LRRC4C: variants seen among roughly 807,000 people sequenced by gnomAD.
The protein encoded by LRRC4C is leucine-rich repeat-containing protein 4C.
LRRC4C carries 5 observed loss-of-function variants against 33.6 expected under a neutral mutation model. The ratio of observed to expected loss-of-function variants is 0.15; its 90% CI spans 0.08 to 0.31. The LOEUF (loss-of-function observed/expected upper bound fraction) is 0.31, where lower values mean the gene tolerates loss of function less well. Ranked by LOEUF, LRRC4C falls within the 10% of genes least tolerant of loss-of-function variation. The pLI, the probability that LRRC4C is intolerant of heterozygous loss-of-function variation, is 1.00. For missense variants in LRRC4C, 560 were observed against 796.7 expected (o/e 0.70, Z 3.58); for synonymous variants, 329 against 302.0 (o/e 1.09, Z -0.93).
chr11:41,308,976 G>T (rs947770503), intron 1 of LRRC4C, among the ~76,000 whole-genome samples: 1 of 152,010 alleles, frequency 6.6e-6, no homozygotes, highest in Non-Finnish European at 1.5e-5. Context: ...GGCTAATTTT[G>T]TATTTGTAGT....
intron 1 of LRRC4C, among the ~76,000 whole-genome samples, chr11:40,987,650 TATCTCATATATATGAGATATAA>T (rs1565274433): frequency 2.2e-5 from 1 of 46,146 alleles, no homozygotes; most frequent in African/African-American, 8.0e-5. Context: ...TATATATATA[TATCTCATATATATGAGATATAA>T]ATGATATATA....
In LRRC4C at chr11:40,285,720, T is replaced by C. The variant is rs555563443; in HGVS notation, c.-176+33908A>G. On this transcript the variant is annotated intron_variant, in intron 4 of 6. Transcript: ENST00000528697. Reference sequence around the variant, plus strand: ...GCTGGAGAACTTTCATTTCAGGAAATAGGGGAAAGGGAAACTGCAGACATC... The same window carrying C: ...GCTGGAGAACTTTCATTTCAGGAAACAGGGGAAAGGGAAACTGCAGACATC... Among the ~76,000 whole-genome samples, 18 of 152,142 alleles carry C rather than the reference T, an allele frequency of 1.2e-4. No homozygotes were observed. In the South Asian group the frequency reaches 2.7e-3, roughly 23 times the overall value.
intron 3 of LRRC4C, among the ~76,000 whole-genome samples, chr11:40,458,153 AC>A (rs1436981168): frequency 6.6e-6 from 1 of 152,166 alleles, no homozygotes; most frequent in East Asian, 1.9e-4. Flanking sequence ...TGTAAATCAT[AC>A]GGAGAAGATG....
chr11:41,402,569 C>T (rs1195901021), intron 1 of LRRC4C, among the ~76,000 whole-genome samples: 1 of 151,984 alleles, frequency 6.6e-6, no homozygotes, highest in Admixed American at 6.6e-5. Flanking sequence ...TAAGTAAATA[C>T]ATTTTATTAT....
chr11:40,711,002 G>A lies in LRRC4C; in HGVS notation c.-406-62724C>T, dbSNP rs1591526366. Among the ~76,000 whole-genome samples the A allele has an allele frequency of 2.6e-5, 4 of 152,320 alleles. No individual in the cohort carries two copies. The South Asian group carries it at 8.3e-4, about 32-fold the overall frequency. On this transcript the variant is annotated intron_variant, in intron 2 of 6. Transcript: ENST00000528697. ...GTGGGTGTGGGACCCGCTGAGCCAG[G>A]CGTGGGATAAAATCTCCTGGTGTGC...
At chr11:40,536,795 A>G (rs1208759758) in intron 3 of LRRC4C, among the ~76,000 whole-genome samples, 1 of 152,070 alleles carries the variant, frequency 6.6e-6, no homozygotes, top group African/African-American at 2.4e-5. Flanking sequence ...CTTTAAAAAT[A>G]TTGCTAAATT....
chr11:41,039,917 G>A (rs1841712), intron 1 of LRRC4C, among the ~76,000 whole-genome samples: 13,454 of 151,832 alleles, frequency 0.089, 662 homozygotes, highest in Non-Finnish European at 0.099. Flanking sequence ...CGAGGCAGGC[G>A]GATCACAAGG....
intron 1 of LRRC4C, among the ~76,000 whole-genome samples, chr11:41,298,097 T>C (rs1158642113): frequency 1.3e-5 from 2 of 152,210 alleles, no homozygotes; most frequent in Non-Finnish European, 2.9e-5. Context: ...CTAGTTATTA[T>C]TGAGCTGGCA....
In LRRC4C at chr11:41,135,742, G is replaced by A. The variant is rs909906897; in HGVS notation, c.-495-202019C>T. On this transcript the variant is annotated intron_variant, in intron 1 of 6. Transcript: ENST00000528697. ...ACTTATGCCTTCGTTCTACCTTACT[G>A]CTCACTGAATGCTTATAATTACTGT... Among the ~76,000 whole-genome samples the A allele has an allele frequency of 2.0e-5, 3 of 152,122 alleles. No homozygotes were observed. In the East Asian group the frequency reaches 5.8e-4, roughly 29 times the overall value.
intron 1 of LRRC4C, among the ~76,000 whole-genome samples, chr11:41,399,614 C>T (rs1460260997): frequency 2.6e-5 from 4 of 151,876 alleles, no homozygotes; most frequent in Non-Finnish European, 4.4e-5. Flanking sequence ...ACTATTAATC[C>T]TTTGCATGCT....
chr11:41,285,590 T>A (rs911336354), intron 1 of LRRC4C, among the ~76,000 whole-genome samples: 1 of 152,146 alleles, frequency 6.6e-6, no homozygotes, highest in Admixed American at 6.5e-5. Flanking sequence ...ACTGGAATGA[T>A]GTGGGGAGGA....
chr11:40,620,006 T>C (rs534479907), intron 3 of LRRC4C, among the ~76,000 whole-genome samples: 2 of 145,482 alleles, frequency 1.4e-5, no homozygotes, highest in Non-Finnish European at 3.0e-5. Context: ...GTTCATTACA[T>C]ATGTAGTCTC....
intron 3 of LRRC4C, among the ~76,000 whole-genome samples, chr11:40,500,091 C>T (rs983358034): frequency 6.6e-6 from 1 of 151,832 alleles, no homozygotes; most frequent in Admixed American, 6.6e-5. Flanking sequence ...TTCAGTGGTG[C>T]ATACAGTTAT....
At chr11:40,429,275 T>C (rs1168730060) in intron 3 of LRRC4C, among the ~76,000 whole-genome samples, 2 of 152,166 alleles carry the variant, frequency 1.3e-5, no homozygotes, top group Non-Finnish European at 2.9e-5. Flanking sequence ...GGTTTCACCA[T>C]GTTGGCCAGG....
intron 1 of LRRC4C, among the ~76,000 whole-genome samples, chr11:41,149,213 T>C (rs751190341): frequency 6.6e-6 from 1 of 152,142 alleles, no homozygotes; most frequent in Non-Finnish European, 1.5e-5. Context: ...GGAATTAAAA[T>C]GAAGGGCTGA....
intron 1 of LRRC4C, among the ~76,000 whole-genome samples, chr11:41,227,132 G>A (rs1947577544): frequency 6.6e-6 from 1 of 152,094 alleles, no homozygotes; most frequent in East Asian, 1.9e-4. Flanking sequence ...TTTGAAAAAT[G>A]TTTCTCTCTT....
intron 2 of LRRC4C, among the ~76,000 whole-genome samples, chr11:40,724,197 C>G (rs569688774): frequency 1.3e-5 from 2 of 152,228 alleles, no homozygotes; most frequent in South Asian, 4.1e-4. Context: ...TTAGACAGAT[C>G]ACTGAGAAAG....
At chr11:41,353,572 T>C (rs1588038) in intron 1 of LRRC4C, among the ~76,000 whole-genome samples, 97,830 of 151,866 alleles carry the variant, frequency 0.64, 31,928 homozygotes, top group East Asian at 0.79. Flanking sequence ...AGAATTAAAA[T>C]GAAAACTTGA....
intron 1 of LRRC4C, among the ~76,000 whole-genome samples, chr11:41,163,011 G>A (rs1023031094): frequency 6.6e-6 from 1 of 152,112 alleles, no homozygotes. Flanking sequence ...GAATTATGGG[G>A]TCAGTTTCTC....
Sources: gnomAD v4.1 joint callset for allele counts (sites outside exome capture counted in the v4.1 genomes callset) on GRCh38, gnomAD v4.1.1 for gene constraint, MANE v1.5 for transcripts, NCBI Gene and HGNC (gene_info 2026-07-23, HGNC 2026-07-21) for gene names.